DNAH3: variants seen among roughly 807,000 people sequenced by gnomAD.
DNAH3 encodes the protein axonemal beta dynein heavy chain 3.
DNAH3 carries 332 observed loss-of-function variants against 432.5 expected under a neutral mutation model. That is an observed-to-expected ratio of 0.77 (90% CI 0.70 to 0.84). The LOEUF (loss-of-function observed/expected upper bound fraction) is 0.84, where lower values mean the gene tolerates loss of function less well. Among genes scored for constraint, DNAH3 ranks in the 40% least tolerant of loss-of-function variants. The pLI is 0.00. For synonymous variants in DNAH3, 1,956 were observed against 1,900.2 expected (o/e 1.03, Z -0.76); for missense variants, 4,861 against 5,114.0 (o/e 0.95, Z 1.51).
chr16:21,104,139 C>A (rs2091897546), intron 16 of DNAH3: 3 of 234,496 alleles, frequency 1.3e-5, no homozygotes, highest in Non-Finnish European at 2.5e-5. Flanking sequence ...TCTGTGGTCT[C>A]CAATGTAAGG....
In DNAH3 at chr16:20,981,573, A is replaced by T. The variant is rs371003515; in HGVS notation, c.7859+1148T>A. Among the ~76,000 whole-genome samples the T allele has an allele frequency of 2.4e-4, 37 of 152,114 alleles. No individual in the cohort carries two copies. In the East Asian group the frequency reaches 6.0e-3, roughly 25 times the overall value. ...AACCCAGTGTCCACTAAAAATCCAA[A>T]AATTAGCTGGGCATGGAGGCTCACA... is the stretch of plus-strand genomic sequence containing the variant. On this transcript the variant is annotated intron_variant, in intron 49 of 61. Transcript: ENST00000261383.
chr16:20,979,937 G>A (rs538893519), intron 49 of DNAH3, among the ~76,000 whole-genome samples: 1 of 151,046 alleles, frequency 6.6e-6, no homozygotes. Flanking sequence ...TTCAGTAGAG[G>A]CAGAGTTTCA....
intron 52 of DNAH3, 43 bp downstream of exon 52, chr16:20,969,749 G>A: frequency 6.2e-7 from 1 of 1,609,482 alleles, no homozygotes; most frequent in South Asian, 1.1e-5. Flanking sequence ...CCACTGCCAG[G>A]AAAGAGCAGC....
intron 35 of DNAH3, among the ~76,000 whole-genome samples, chr16:21,034,561 T>C (rs999071494): frequency 4.6e-5 from 7 of 152,370 alleles, no homozygotes; most frequent in African/African-American, 1.7e-4. Context: ...TTTAGCAAAT[T>C]GTGTTTCTCC....
chr16:21,097,557 G>T, intron 17 of DNAH3, 58 bp from the exon 18 acceptor site: 1 of 1,599,384 alleles, frequency 6.3e-7, no homozygotes, highest in South Asian at 1.1e-5. Context: ...AGCCCTCGAA[G>T]ACACCAGGGC....
At chr16:21,103,674 T>C (rs2091888754) in intron 16 of DNAH3, among the ~76,000 whole-genome samples, 1 of 152,336 alleles carries the variant, frequency 6.6e-6, no homozygotes, top group East Asian at 1.9e-4. Flanking sequence ...TAGAAATCCC[T>C]GCTTTTATCT....
intron 49 of DNAH3, among the ~76,000 whole-genome samples, chr16:20,980,188 T>A (rs1597035735): frequency 7.3e-6 from 1 of 136,960 alleles, no homozygotes; most frequent in East Asian, 2.1e-4. Flanking sequence ...TATATATATA[T>A]AATTTTATTA....
intron 51 of DNAH3, among the ~76,000 whole-genome samples, chr16:20,973,780 T>G (rs1271825741): frequency 6.6e-6 from 1 of 152,150 alleles, no homozygotes; most frequent in Admixed American, 6.5e-5. Flanking sequence ...ATCCAACAAA[T>G]ATTTATTCCA....
intron 21 of DNAH3, 86 bp downstream of exon 21, chr16:21,075,361 G>T: frequency 1.1e-6 from 1 of 944,144 alleles, no homozygotes; most frequent in Non-Finnish European, 1.7e-6. Flanking sequence ...GAGTTCTGTT[G>T]CCATTCTGAA....
At chr16:21,010,382 G>T (rs1390583952) in intron 41 of DNAH3, among the ~76,000 whole-genome samples, 1 of 152,110 alleles carries the variant, frequency 6.6e-6, no homozygotes, top group African/African-American at 2.4e-5. Context: ...GGAAAATGAG[G>T]TAAACTTTTC....
chr16:21,117,078 T>C, intron 12 of DNAH3, 125 bp downstream of exon 12: 1 of 635,422 alleles, frequency 1.6e-6, no homozygotes, highest in East Asian at 2.8e-5. Context: ...CATGTAAGTA[T>C]TGGCTATTCT....
chr16:20,979,984 A>C lies in DNAH3; in HGVS notation c.7860-438T>G, dbSNP rs572353599. Among the ~76,000 whole-genome samples, 6 of 151,998 alleles carry C rather than the reference A, an allele frequency of 3.9e-5. No homozygotes were observed. The East Asian group carries it at 1.2e-3, about 29-fold the overall frequency. On this transcript the variant is annotated intron_variant, in intron 49 of 61. Coordinates refer to ENST00000261383, the Ensembl canonical transcript of DNAH3. Reference sequence around the variant, plus strand: ...AGGCTAGTCTGAAACTCCTGACCTCAGGTGATCTGCCCACCTTGGCCTCCC... The same window carrying C: ...AGGCTAGTCTGAAACTCCTGACCTCCGGTGATCTGCCCACCTTGGCCTCCC...
At chr16:21,136,261 AT>A in intron 6 of DNAH3, 62 bp downstream of exon 7, 2 of 1,481,706 alleles carry the variant, frequency 1.3e-6, no homozygotes, top group Non-Finnish European at 1.9e-6. Flanking sequence ...AAAAATAAAA[AT>A]AAAAAAGAAG....
intron 21 of DNAH3, among the ~76,000 whole-genome samples, chr16:21,075,111 C>T (rs931015823): frequency 6.6e-6 from 1 of 152,098 alleles, no homozygotes; most frequent in Non-Finnish European, 1.5e-5. Context: ...CATTGTCTGC[C>T]CCTGTGCTTC....
chr16:21,031,338 G>T, intron 36 of DNAH3, 52 bp from the exon 37 acceptor site: 2 of 1,597,984 alleles, frequency 1.3e-6, no homozygotes, highest in Non-Finnish European at 1.7e-6. Flanking sequence ...AGACCAGAAG[G>T]TTAAACAAGA....
At chr16:21,002,838 T>C (rs548057975) in intron 42 of DNAH3, among the ~76,000 whole-genome samples, 45 of 152,118 alleles carry the variant, frequency 3.0e-4, no homozygotes, top group Non-Finnish European at 6.0e-4. Flanking sequence ...GTGCCATGTG[T>C]TCATGTATAA....
chr16:21,033,365 C>T (rs954128756), intron 36 of DNAH3, among the ~76,000 whole-genome samples: 1 of 152,206 alleles, frequency 6.6e-6, no homozygotes, highest in African/African-American at 2.4e-5. Flanking sequence ...AACTGTTTCT[C>T]TGGCAGGAAA....
At chr16:20,988,656 C>G (rs1376103365) in intron 44 of DNAH3, among the ~76,000 whole-genome samples, 1 of 152,208 alleles carries the variant, frequency 6.6e-6, no homozygotes, top group Admixed American at 6.5e-5. Flanking sequence ...GTAAAAGAGT[C>G]TATCAATTCA....
chr16:20,989,915 G>GGGCC (rs1748197484), intron 44 of DNAH3, among the ~76,000 whole-genome samples: 1 of 152,234 alleles, frequency 6.6e-6, no homozygotes, highest in Non-Finnish European at 1.5e-5. Flanking sequence ...GGGGCCGGCA[G>GGGCC]GGCCGGCCGG....
Sources: gnomAD v4.1 joint callset for allele counts (sites outside exome capture counted in the v4.1 genomes callset) on GRCh38, gnomAD v4.1.1 for gene constraint, MANE v1.5 for transcripts, NCBI Gene and HGNC (gene_info 2026-07-23, HGNC 2026-07-21) for gene names.